RASGEF1C: variants seen among roughly 807,000 people sequenced by gnomAD.
The protein encoded by RASGEF1C is ras-GEF domain-containing family member 1C.
A neutral mutation model predicts 58.1 loss-of-function variants in RASGEF1C; 27 were observed. The ratio of observed to expected loss-of-function variants is 0.46; its 90% CI spans 0.34 to 0.64. The LOEUF (loss-of-function observed/expected upper bound fraction) is 0.64, where lower values mean the gene tolerates loss of function less well. Ranked by LOEUF, RASGEF1C falls within the 30% of genes least tolerant of loss-of-function variation. The pLI, the probability that RASGEF1C is intolerant of heterozygous loss-of-function variation, is 0.01. For missense variants in RASGEF1C, 502 were observed against 605.1 expected, an observed-to-expected ratio of 0.83 and a Z score of 1.79; for synonymous variants, 243 against 246.3, an observed-to-expected ratio of 0.99 and a Z score of 0.13.
At chr5:180,127,203 T>G (rs1279994409) in intron 6 of RASGEF1C, among the ~76,000 whole-genome samples, 3 of 151,848 alleles carry the variant, frequency 2.0e-5, no homozygotes, top group Non-Finnish European at 2.9e-5. Context: ...CAACCCGCGC[T>G]TCCCCGCGTG....
rs528770269 is a variant in RASGEF1C, at chr5:180,181,975, G to A, written c.-7+27053C>T. On this transcript the variant is annotated intron_variant, in intron 1 of 13. Coordinates refer to ENST00000361132, the MANE Select transcript of RASGEF1C (RefSeq NM_175062.4). ...TCCTAGCACTTTGGGAGGCCGAGACGGGCGGATCACGAGGTCAGGAGATCG... is the reference window on the plus strand; with the variant it reads ...TCCTAGCACTTTGGGAGGCCGAGACAGGCGGATCACGAGGTCAGGAGATCG... 7.3e-5 allele frequency among the ~76,000 whole-genome samples: 11 copies of A among 151,610 alleles called. No homozygotes were observed. The East Asian group carries it at 1.8e-3, about 24-fold the overall frequency.
chr5:180,178,080 C>T (rs1260783367), intron 1 of RASGEF1C, among the ~76,000 whole-genome samples: 9 of 151,734 alleles, frequency 5.9e-5, no homozygotes, highest in Admixed American at 3.9e-4. Context: ...GATTCTCCTG[C>T]CTCAGCCTCC....
intron 1 of RASGEF1C, among the ~76,000 whole-genome samples, chr5:180,142,713 G>A (rs1380136854): frequency 6.6e-6 from 1 of 152,098 alleles, no homozygotes. Flanking sequence ...GGTGCGGATG[G>A]TGGGAATGAC....
chr5:180,150,504 T>A (rs1766728350), intron 1 of RASGEF1C, among the ~76,000 whole-genome samples: 1 of 147,392 alleles, frequency 6.8e-6, no homozygotes, highest in African/African-American at 2.5e-5. Context: ...ACTCTTGAAA[T>A]CAGATTCTCC....
intron 11 of RASGEF1C, among the ~76,000 whole-genome samples, chr5:180,113,082 A>T (rs1362368887): frequency 7.5e-6 from 1 of 133,846 alleles, no homozygotes; most frequent in African/African-American, 2.9e-5. Context: ...GGGACCGGGG[A>T]TGGACAGAGG....
intron 1 of RASGEF1C, among the ~76,000 whole-genome samples, chr5:180,142,607 C>T (rs967980075): frequency 8.5e-5 from 13 of 152,170 alleles, no homozygotes; most frequent in Middle Eastern, 6.8e-3. Flanking sequence ...GACGCACTGG[C>T]GGAGTGGCTG....
At position 180,184,182 on chromosome 5, in the gene RASGEF1C, T is replaced by A. The variant is rs71598620; in HGVS notation, c.-7+24846A>T. Among the ~76,000 whole-genome samples, 184 of 142,304 alleles carry A rather than the reference T, an allele frequency of 1.3e-3. 3 individuals are homozygous for A. The highest frequency in any genetic ancestry group is 3.6e-3 in the Middle Eastern group (1 of 276). The allele number at this position is 142,304 out of a possible 152,430, so 93.4% of individuals were successfully genotyped here. A position where few individuals can be genotyped will look rare whatever the true frequency, so the allele number is the denominator to read the frequency against. The stretch of plus-strand genomic sequence containing the variant: ...CCATCTTGAAATAAATAAATAAAAA[T>A]AAATAAATAAATAAATAAATAAATA... On this transcript the variant is annotated intron_variant, in intron 1 of 13. Coordinates refer to ENST00000361132, the MANE Select transcript of RASGEF1C (RefSeq NM_175062.4).
chr5:180,173,190 C>T (rs2113312419), intron 1 of RASGEF1C, among the ~76,000 whole-genome samples: 1 of 152,362 alleles, frequency 6.6e-6, no homozygotes, highest in East Asian at 1.9e-4. Flanking sequence ...TCAGGAGAAT[C>T]AGTGCGTCTG....
intron 1 of RASGEF1C, among the ~76,000 whole-genome samples, chr5:180,199,076 A>AC (rs1282192757): frequency 6.6e-6 from 1 of 151,610 alleles, no homozygotes; most frequent in Non-Finnish European, 1.5e-5. Context: ...CTCCTCCCCA[A>AC]CCCCCACCTG....
chr5:180,170,708 C>T (rs1767095855), intron 1 of RASGEF1C, among the ~76,000 whole-genome samples: 2 of 152,240 alleles, frequency 1.3e-5, no homozygotes, highest in African/African-American at 4.8e-5. Flanking sequence ...TACCCCAGTC[C>T]TGCATGGGGC....
chr5:180,126,393 T>C (rs573464515), intron 6 of RASGEF1C, among the ~76,000 whole-genome samples: 4 of 151,782 alleles, frequency 2.6e-5, no homozygotes, highest in Non-Finnish European at 5.9e-5. Context: ...GGCGACAGAG[T>C]GAGATCCGTC....
intron 4 of RASGEF1C, among the ~76,000 whole-genome samples, chr5:180,129,477 A>C (rs746859161): frequency 1.3e-5 from 2 of 152,076 alleles, no homozygotes; most frequent in Non-Finnish European, 2.9e-5. Context: ...CAGCGTCCTC[A>C]GACAGTAGCA....
rs556805624 is a variant in RASGEF1C, at chr5:180,118,640, C to T, written c.1052G>A (p.Arg351His). 4.5e-5 allele frequency: 72 copies of T among 1,613,424 alleles called. No homozygotes were observed. The Admixed American group carries it at 4.8e-4, about 11-fold the overall frequency. ...TCGGCTGCTGTGGGCCGTCAGGGAG[C>T]GGTGGGCCGCCCCGCGCAGGGCTGT... is the stretch of plus-strand genomic sequence containing the variant. ...YRTALRGAAH[R>H]SLTAHSSREK... Residue 351 changes from arginine (R) to histidine (H), a missense_variant, in exon 10 of 14, where the codon CGC (arginine) becomes CAC (histidine). Coordinates refer to ENST00000361132, the MANE Select transcript of RASGEF1C (RefSeq NM_175062.4).
intron 1 of RASGEF1C, among the ~76,000 whole-genome samples, chr5:180,161,257 G>A (rs554666861): frequency 2.6e-5 from 4 of 152,384 alleles, no homozygotes; most frequent in Non-Finnish European, 4.4e-5. Context: ...GAGGCCCTGA[G>A]GACGTGGGCT....
intron 1 of RASGEF1C, among the ~76,000 whole-genome samples, chr5:180,179,989 C>T (rs913528089): frequency 6.6e-6 from 1 of 152,162 alleles, no homozygotes; most frequent in Non-Finnish European, 1.5e-5. Flanking sequence ...AAGGACCGGG[C>T]GAGTGGGCAG....
chr5:180,187,004 T>A (rs1756056049), intron 1 of RASGEF1C, among the ~76,000 whole-genome samples: 1 of 152,052 alleles, frequency 6.6e-6, no homozygotes, highest in African/African-American at 2.4e-5. Flanking sequence ...AAAATACATA[T>A]GGAATTGCAA....
intron 1 of RASGEF1C, among the ~76,000 whole-genome samples, chr5:180,149,262 A>G (rs1301842624): frequency 2.0e-5 from 3 of 150,662 alleles, no homozygotes; most frequent in Non-Finnish European, 4.4e-5. Flanking sequence ...TAATTTTTGT[A>G]TTTTTAGTAG....
rs140898582 is a variant in RASGEF1C at position 180,156,799 on chromosome 5, A to T, written c.-6-18741T>A. Among the ~76,000 whole-genome samples the T allele has an allele frequency of 3.2e-3, 482 of 152,308 alleles. No individual in the cohort carries two copies. Among genetic ancestry groups the T allele is most frequent in the African/African-American group, 0.011 (456 of 41,576 alleles). ...AAAAAAAGTAAATAAAATAAAACAT[A>T]CAAAGAAATCTTACAACTTAATAAT... On this transcript the variant is annotated intron_variant, in intron 1 of 13. Transcript: ENST00000361132. The surrounding 1 kb of genome is among the most constrained non-coding windows in gnomAD (Gnocchi z 4.9).
At chr5:180,157,583 C>T (rs915395163) in intron 1 of RASGEF1C, among the ~76,000 whole-genome samples, 9 of 150,412 alleles carry the variant, frequency 6.0e-5, no homozygotes, top group Admixed American at 4.6e-4. Context: ...GCCGAAATTG[C>T]GCCATTGCAC....
Sources: gnomAD v4.1 joint callset for allele counts (sites outside exome capture counted in the v4.1 genomes callset) on GRCh38, gnomAD v4.1.1 for gene constraint, Gnocchi (gnomAD v3.1) non-coding constraint, MANE v1.5 for transcripts, NCBI Gene and HGNC (gene_info 2026-07-23, HGNC 2026-07-21) for gene names.